ROCK2: variants seen among roughly 807,000 people sequenced by gnomAD.
ROCK2 encodes the protein Rho associated coiled-coil containing protein kinase 2.
Under a neutral mutation model 195.1 loss-of-function variants are expected in ROCK2, and 61 were observed. That is an observed-to-expected ratio of 0.31 (90% CI 0.25 to 0.39). ROCK2 has a LOEUF of 0.39. Among genes scored for constraint, ROCK2 ranks in the 10% least tolerant of loss-of-function variants. ROCK2 has a pLI of 1.00. For missense variants in ROCK2, 1,109 were observed against 1,637.4 expected (o/e 0.68, Z 5.57); for synonymous variants, 504 against 545.5 (o/e 0.92, Z 1.06).
At chr2:11,226,271 G>C (rs1041206812) in intron 6 of ROCK2, among the ~76,000 whole-genome samples, 2 of 152,082 alleles carry the variant, frequency 1.3e-5, no homozygotes, top group African/African-American at 4.8e-5. Flanking sequence ...GAAACATTAG[G>C]AATGAAATCT....
chr2:11,301,315 A>G (rs1208069804), intron 1 of ROCK2, among the ~76,000 whole-genome samples: 3 of 152,200 alleles, frequency 2.0e-5, no homozygotes, highest in African/African-American at 7.2e-5. Flanking sequence ...TTAAAACTTC[A>G]GAGGTCATAA....
At chr2:11,316,371 C>A (rs1046126518) in intron 1 of ROCK2, among the ~76,000 whole-genome samples, 2 of 151,988 alleles carry the variant, frequency 1.3e-5, no homozygotes, top group Admixed American at 6.6e-5. Context: ...TTACTAAAGT[C>A]AAAAACCATG....
rs749788035 is a variant in ROCK2, at chr2:11,215,113, CAACA to C, written c.1690-31_1690-28del. The C allele has an allele frequency of 2.3e-5, 37 of 1,611,930 alleles. 1 individual carries two copies. In the African/African-American group the frequency reaches 2.5e-4, roughly 11 times the overall value. On this transcript the variant is annotated intron_variant, in intron 15 of 32. Coordinates refer to ENST00000315872, the MANE Select transcript of ROCK2 (RefSeq NM_004850.5). ...TGTTATTCCATTCAAAACCAAACAACAACAAACAAACACACATGTATGTAATGAA... is the reference window on the plus strand; with the variant it reads ...TGTTATTCCATTCAAAACCAAACAACAACAAACACACATGTATGTAATGAA...
intron 1 of ROCK2, among the ~76,000 whole-genome samples, chr2:11,297,066 C>G (rs971276796): frequency 1.1e-4 from 17 of 152,024 alleles, no homozygotes; most frequent in Non-Finnish European, 7.4e-5. Flanking sequence ...AAACTCAAAG[C>G]AACCTAAAAA....
In ROCK2 at chr2:11,181,945, TA is replaced by T. The variant is rs1663015894; in HGVS notation, c.*1491del. On this transcript the variant is annotated 3_prime_UTR_variant, in exon 33 of 33. Transcript: ENST00000315872. The stretch of plus-strand genomic sequence containing the variant: ...ACCATGCCTGGCCAGATGATGTATT[TA>T]AATATCATACCAAACTCTGTGTATT... 1 of 151,990 alleles carries T rather than the reference TA, an allele frequency of 6.6e-6. No individual in the cohort carries two copies. Among genetic ancestry groups the T allele is most frequent in the Non-Finnish European group, 1.5e-5 (1 of 67,994 alleles). The allele number at this position is 151,990 out of a possible 1,614,324, so 9.4% of individuals were successfully genotyped here.
chr2:11,326,242 G>T (rs78748328), intron 1 of ROCK2, among the ~76,000 whole-genome samples: 66 of 151,054 alleles, frequency 4.4e-4, no homozygotes, highest in East Asian at 9.7e-4. Context: ...AAAAAAAAAA[G>T]TAAGGAACAT....
chr2:11,290,198 T>G (rs1667317064), intron 1 of ROCK2, among the ~76,000 whole-genome samples: 1 of 152,212 alleles, frequency 6.6e-6, no homozygotes, highest in Non-Finnish European at 1.5e-5. Context: ...CTGAGTTAGC[T>G]CAGGACTTGA....
chr2:11,179,759 T>G lies in ROCK2; in HGVS notation c.*3678A>C, dbSNP rs1662898031. On this transcript the variant is annotated 3_prime_UTR_variant, in exon 33 of 33. Transcript: ENST00000315872. ...CCAGGACTATTTCACAGGAGAAGTA[T>G]GAAAATGCTTATGTCTCCATTTATT... 6.6e-6 allele frequency: 1 copy of G among 152,182 alleles called. No homozygotes were observed. The highest frequency in any genetic ancestry group is 6.5e-5 in the Admixed American group (1 of 15,276). The allele number at this position is 152,182 out of a possible 1,614,324, so 9.4% of individuals were successfully genotyped here.
chr2:11,201,396 T>C lies in ROCK2; in HGVS notation c.2637A>G (p.Gln879=), dbSNP rs368495580. The C allele has an allele frequency of 7.0e-5, 112 of 1,605,554 alleles. No individual in the cohort carries two copies. The highest frequency in any genetic ancestry group is 8.7e-5 in the Non-Finnish European group (102 of 1,172,756). Residue 879 remains glutamine (Q), a synonymous_variant, in exon 22 of 33, where the codon CAA becomes CAG. Transcript: ENST00000315872. This position sits in a 1 kb window ranked among gnomAD's most constrained non-coding sequence, Gnocchi z 4.6. ...EQYFSTLYKT[Q]VRELKEECEE... is the part of the protein sequence containing the mutation. ...CACATTCTTCTTTAAGCTCCCTAAC[T>C]TGTGTTTTATAAAGGGTCTAAATAG...
intron 1 of ROCK2, among the ~76,000 whole-genome samples, chr2:11,325,160 T>C (rs1668509674): frequency 6.6e-6 from 1 of 152,188 alleles, no homozygotes; most frequent in East Asian, 1.9e-4. Context: ...TGTTTATAAG[T>C]AGATTTTTTT....
chr2:11,327,745 TAG>T (rs1668592851), intron 1 of ROCK2, among the ~76,000 whole-genome samples: 2 of 152,180 alleles, frequency 1.3e-5, no homozygotes, highest in African/African-American at 4.8e-5. Flanking sequence ...GTATTTTTTG[TAG>T]AGACAGGGTT....
chr2:11,198,524 C>T lies in ROCK2; in HGVS notation c.3066G>A (p.Lys1022=). The change falls in exon 25 of 33, where the codon AAG becomes AAA. Residue 1022 remains lysine, a synonymous_variant. Transcript: ENST00000315872. The part of the protein sequence containing the change: ...SAAAIKAQFE[K]QLLTERTLKT... ...TGAGTGTTCTTTCTGTTAATAGCTGCTTCTCAAACTGTGCTTTAATAGCTG... is the reference window on the plus strand; with the variant it reads ...TGAGTGTTCTTTCTGTTAATAGCTGTTTCTCAAACTGTGCTTTAATAGCTG... The T allele has an allele frequency of 6.2e-7, 1 of 1,612,480 alleles. No individual in the cohort carries two copies. The highest frequency in any genetic ancestry group is 1.1e-5 in the South Asian group (1 of 91,036).
At chr2:11,199,910 A>C (rs1228516275) in intron 23 of ROCK2, among the ~76,000 whole-genome samples, 1 of 152,182 alleles carries the variant, frequency 6.6e-6, no homozygotes, top group Non-Finnish European at 1.5e-5. Flanking sequence ...AAACTGTCAT[A>C]CTACTTACTG....
intron 1 of ROCK2, among the ~76,000 whole-genome samples, chr2:11,311,550 A>G (rs956672651): frequency 6.6e-6 from 1 of 152,236 alleles, no homozygotes; most frequent in African/African-American, 2.4e-5. Flanking sequence ...CCCTCAAAAG[A>G]TTAAAAATCT....
intron 12 of ROCK2, among the ~76,000 whole-genome samples, chr2:11,216,613 C>A (rs1004155052): frequency 2.0e-5 from 3 of 151,876 alleles, no homozygotes; most frequent in African/African-American, 7.3e-5. Flanking sequence ...CAGGTTCAAG[C>A]GACTGTCCCG....
intron 1 of ROCK2, among the ~76,000 whole-genome samples, chr2:11,313,874 T>C (rs1316406510): frequency 1.3e-5 from 2 of 151,904 alleles, no homozygotes; most frequent in African/African-American, 2.4e-5. Flanking sequence ...TTTAAAAGCA[T>C]TTTTTACAAA....
At chr2:11,310,970 C>T (rs935399036) in intron 1 of ROCK2, among the ~76,000 whole-genome samples, 1 of 151,262 alleles carries the variant, frequency 6.6e-6, no homozygotes, top group African/African-American at 2.4e-5. Flanking sequence ...TTTGTCCTGT[C>T]TCTGAGCCAC....
intron 1 of ROCK2, among the ~76,000 whole-genome samples, chr2:11,322,203 A>G (rs1363473267): frequency 6.6e-6 from 1 of 152,182 alleles, no homozygotes; most frequent in African/African-American, 2.4e-5. Context: ...AAAACAAAAC[A>G]AACAATGGTC....
At chr2:11,294,346 T>C (rs1667449002) in intron 1 of ROCK2, among the ~76,000 whole-genome samples, 1 of 152,222 alleles carries the variant, frequency 6.6e-6, no homozygotes, top group South Asian at 2.1e-4. Context: ...GCAGAGTTCT[T>C]GGATAGACAT....
Sources: allele counts gnomAD v4.1 joint callset (sites outside exome capture counted in the v4.1 genomes callset), GRCh38; gene constraint gnomAD v4.1.1; non-coding constraint Gnocchi (gnomAD v3.1); transcripts MANE v1.5; gene names NCBI Gene and HGNC (gene_info 2026-07-23, HGNC 2026-07-21).